Variants in INPP4B observed in about 807,000 individuals in gnomAD.
INPP4B encodes the protein inositol polyphosphate-4-phosphatase type II B, also known as inositol polyphosphate 4-phosphatase type II.
A neutral mutation model predicts 122.5 loss-of-function variants in INPP4B; 55 were observed. The observed-to-expected ratio is 0.45, with a 90% CI of 0.36 to 0.56. The LOEUF (loss-of-function observed/expected upper bound fraction) is 0.56, where lower values mean the gene tolerates loss of function less well. Ranked by LOEUF, INPP4B falls within the 20% of genes least tolerant of loss-of-function variation. INPP4B has a pLI of 0.00. For synonymous variants in INPP4B, 403 were observed against 388.7 expected, an observed-to-expected ratio of 1.04 and a Z score of -0.43; for missense variants, 1,000 against 1,097.7, an observed-to-expected ratio of 0.91 and a Z score of 1.26.
At chr4:142,679,250 G>A (rs2150673881) in intron 2 of INPP4B, among the ~76,000 whole-genome samples, 1 of 151,970 alleles carries the variant, frequency 6.6e-6, no homozygotes, top group African/African-American at 2.4e-5. Context: ...CTTAGCAAGT[G>A]AGGAAAACAT....
intron 7 of INPP4B, among the ~76,000 whole-genome samples, chr4:142,344,579 A>C (rs1779719182): frequency 6.6e-6 from 1 of 152,070 alleles, no homozygotes; most frequent in Non-Finnish European, 1.5e-5. Flanking sequence ...TACACTTTTC[A>C]GTGAACTTAA....
intron 2 of INPP4B, among the ~76,000 whole-genome samples, chr4:142,614,060 A>T (rs1441841288): frequency 6.6e-6 from 1 of 152,208 alleles, no homozygotes; most frequent in Non-Finnish European, 1.5e-5. Flanking sequence ...CTGAAACAGC[A>T]TAGTGCTGGT....
intron 2 of INPP4B, among the ~76,000 whole-genome samples, chr4:142,501,864 G>A (rs556980623): frequency 9.2e-5 from 14 of 152,096 alleles, no homozygotes; most frequent in South Asian, 8.3e-4. Context: ...AAAGAATACC[G>A]GACCATGAAA....
intron 2 of INPP4B, among the ~76,000 whole-genome samples, chr4:142,680,913 C>G (rs1224774356): frequency 6.6e-6 from 1 of 151,812 alleles, no homozygotes. Flanking sequence ...CTCAAACATC[C>G]ATGACACAAA....
intron 2 of INPP4B, among the ~76,000 whole-genome samples, chr4:142,504,474 T>C (rs754200413): frequency 2.0e-4 from 30 of 152,314 alleles, no homozygotes; most frequent in Non-Finnish European, 4.0e-4. Flanking sequence ...TAAATACATA[T>C]ACTTTTCTAT....
intron 2 of INPP4B, among the ~76,000 whole-genome samples, chr4:142,535,863 T>A (rs1420194513): frequency 6.6e-6 from 1 of 152,222 alleles, no homozygotes; most frequent in Non-Finnish European, 1.5e-5. Flanking sequence ...TATGTACTTC[T>A]AATTTCCAGG....
chr4:142,152,411 A>G (rs1814696716), intron 17 of INPP4B, among the ~76,000 whole-genome samples: 1 of 152,026 alleles, frequency 6.6e-6, no homozygotes, highest in Non-Finnish European at 1.5e-5. Context: ...TGCTCTATAA[A>G]TGTAATGACT....
chr4:142,247,588 T>A (rs1000669329), intron 11 of INPP4B, among the ~76,000 whole-genome samples: 2 of 152,202 alleles, frequency 1.3e-5, no homozygotes, highest in African/African-American at 4.8e-5. Context: ...TAGTGGTATT[T>A]ACAGTATTCT....
chr4:142,342,600 C>G (rs1463260769), intron 7 of INPP4B, among the ~76,000 whole-genome samples: 1 of 152,132 alleles, frequency 6.6e-6, no homozygotes, highest in East Asian at 1.9e-4. Context: ...AAGATTGCCT[C>G]TTGTTCCAGA....
At chr4:142,081,558 T>A (rs2152526100) in intron 25 of INPP4B, among the ~76,000 whole-genome samples, 1 of 152,238 alleles carries the variant, frequency 6.6e-6, no homozygotes, top group Non-Finnish European at 1.5e-5. Context: ...ACCCAGAGAT[T>A]CTGTGGGCCA....
intron 2 of INPP4B, among the ~76,000 whole-genome samples, chr4:142,482,084 G>A (rs551562224): frequency 1.2e-4 from 18 of 152,258 alleles, no homozygotes; most frequent in African/African-American, 4.3e-4. Flanking sequence ...TGAGCCATAG[G>A]GTTTGACTGT....
chr4:142,622,249 T>A (rs1256924003), intron 2 of INPP4B, among the ~76,000 whole-genome samples: 1 of 151,798 alleles, frequency 6.6e-6, no homozygotes, highest in Non-Finnish European at 1.5e-5. Flanking sequence ...ACACTGATAC[T>A]TTTCATCACA....
At chr4:142,188,205 T>C (rs1833992020) in intron 15 of INPP4B, among the ~76,000 whole-genome samples, 2 of 151,920 alleles carry the variant, frequency 1.3e-5, no homozygotes, top group African/African-American at 2.4e-5. Context: ...ATATATGGCT[T>C]GGTCGGGCAC....
chr4:142,416,388 G>A (rs1278661005), intron 5 of INPP4B, among the ~76,000 whole-genome samples: 2 of 152,130 alleles, frequency 1.3e-5, no homozygotes, highest in African/African-American at 2.4e-5. Flanking sequence ...AAATATTCAG[G>A]AGAATTGCAT....
intron 2 of INPP4B, among the ~76,000 whole-genome samples, chr4:142,623,700 T>C (rs7441478): frequency 0.65 from 96,757 of 149,346 alleles, 32,716 homozygotes; most frequent in East Asian, 0.81. Flanking sequence ...GTATATCTCC[T>C]AATGCTATCC....
intron 16 of INPP4B, among the ~76,000 whole-genome samples, chr4:142,168,937 G>T (rs1824185377): frequency 6.6e-6 from 1 of 151,528 alleles, no homozygotes; most frequent in African/African-American, 2.4e-5. Flanking sequence ...GCCCTAGGAA[G>T]AAATCTAGAT....
chr4:142,710,906 G>A (rs1763039585), intron 2 of INPP4B, among the ~76,000 whole-genome samples: 1 of 152,082 alleles, frequency 6.6e-6, no homozygotes. Context: ...CATCACTCTG[G>A]TATTTCTCTC....
rs79312521 is a variant in INPP4B at position 142,126,823 on chromosome 4, T to A, written c.1721-2063A>T. 5.3e-3 allele frequency among the ~76,000 whole-genome samples: 806 copies of A among 152,286 alleles called. 13 individuals are homozygous for A. Among genetic ancestry groups the A allele is most frequent in the African/African-American group, 0.017 (722 of 41,574 alleles). On this transcript the variant is annotated intron_variant, in intron 18 of 25. Transcript: ENST00000262992. ...GAGATACATCAATAGATACCAAGAA[T>A]GAATATCCTATATTCCTATTTTTTC...
intron 2 of INPP4B, among the ~76,000 whole-genome samples, chr4:142,623,532 C>T (rs2150382702): frequency 6.6e-6 from 1 of 151,920 alleles, no homozygotes; most frequent in East Asian, 1.9e-4. Flanking sequence ...ATTTCCATTC[C>T]TTGTTATACA....
Sources: allele counts gnomAD v4.1 joint callset (sites outside exome capture counted in the v4.1 genomes callset), GRCh38; gene constraint gnomAD v4.1.1; transcripts MANE v1.5; gene names NCBI Gene and HGNC (gene_info 2026-07-23, HGNC 2026-07-21).